The following CACNA1E variants were observed in gnomAD, a reference collection of about 807,000 sequenced individuals.
CACNA1E encodes the protein voltage-dependent R-type calcium channel subunit alpha-1E.
A neutral mutation model predicts 259.2 loss-of-function variants in CACNA1E; 40 were observed. The observed-to-expected ratio is 0.15, with a 90% CI of 0.12 to 0.20. The LOEUF (loss-of-function observed/expected upper bound fraction) is 0.20, where lower values mean the gene tolerates loss of function less well. CACNA1E is among the 10% of genes least tolerant of loss of function. The probability of loss-of-function intolerance (pLI) is 1.00; values close to 1 mark genes in which losing one functional copy is unlikely to be tolerated. For synonymous variants in CACNA1E, 1,104 were observed against 1,138.5 expected, an observed-to-expected ratio of 0.97 and a Z score of 0.61; for missense variants, 1,874 against 3,040.1, an observed-to-expected ratio of 0.62 and a Z score of 9.02.
In CACNA1E at chr1:181,575,535, C is replaced by T. The variant is rs74130048; in HGVS notation, c.513-2231C>T. 5.8e-3 allele frequency among the ~76,000 whole-genome samples: 884 copies of T among 152,164 alleles called. 5 individuals carry two copies. Among genetic ancestry groups the T allele is most frequent in the African/African-American group, 0.02 (846 of 41,506 alleles). The stretch of plus-strand genomic sequence containing the variant: ...TTCTTCTTTCCCTCTACCATTTTTC[C>T]CCTCTACATTTGAGCCTTCTTTGCC... On this transcript the variant is annotated intron_variant, in intron 3 of 47. Coordinates refer to ENST00000367573, the MANE Select transcript of CACNA1E (RefSeq NM_001205293.3).
Position 181,715,376 on chromosome 1 carries a change from A to C in CACNA1E, c.1210A>C (p.Thr404Pro). 2.5e-6 allele frequency: 4 copies of C among 1,597,304 alleles called. No homozygotes were observed. Among genetic ancestry groups the C allele is most frequent in the Non-Finnish European group, 3.4e-6 (4 of 1,167,416 alleles). The change falls in exon 9 of 48, where the codon ACA becomes CCA. Residue 404 changes from threonine (T) to proline (P), a missense_variant. Around this residue, in one of 14 missense-constraint regions of CACNA1E, gnomAD observed 157 missense variants for 203.5 expected, o/e 0.77. Coordinates refer to ENST00000367573, the MANE Select transcript of CACNA1E (RefSeq NM_001205293.3). ...MLAEENKNAG[T>P]SALEVLRRAT... ...CGCTGAAGAAAATAAAAATGCTGGA[A>C]CATCCGCCTTAGAAGGTAAGGAAAT...
chr1:181,373,511 G>A (rs1272327938), intron 1 of CACNA1E, among the ~76,000 whole-genome samples: 5 of 150,516 alleles, frequency 3.3e-5, no homozygotes, highest in Admixed American at 2.7e-4. Flanking sequence ...GTGTTTATTT[G>A]GATGTTCTCT....
At chr1:181,335,656 C>A (rs181037603) in intron 1 of CACNA1E, among the ~76,000 whole-genome samples, 129 of 152,278 alleles carry the variant, frequency 8.5e-4, no homozygotes, top group Admixed American at 1.8e-3. Flanking sequence ...CTCTTTGGGC[C>A]TTTTTACCCT....
intron 44 of CACNA1E, among the ~76,000 whole-genome samples, chr1:181,791,299 G>T (rs895366387): frequency 3.9e-5 from 6 of 152,112 alleles, no homozygotes; most frequent in African/African-American, 1.4e-4. Context: ...GTGAAACCCC[G>T]TCTCTACTAA....
At chr1:181,454,111 T>C (rs1661316397) in intron 2 of CACNA1E, among the ~76,000 whole-genome samples, 1 of 152,188 alleles carries the variant, frequency 6.6e-6, no homozygotes. Flanking sequence ...ACTCATTAGA[T>C]AGTACCTCAT....
Position 181,758,666 on chromosome 1 carries a change from C to A in CACNA1E, c.4495-92C>A. On this transcript the variant is annotated intron_variant, in intron 31 of 47. Coordinates refer to ENST00000367573, the MANE Select transcript of CACNA1E (RefSeq NM_001205293.3). This position sits in a 1 kb window ranked among gnomAD's most constrained non-coding sequence, Gnocchi z 4.2. ...CCACACACCAGAGTGTCCCACAGGG[C>A]AGGAATGAGAGATGGCCAACCTCAG... The A allele has an allele frequency of 1.4e-6, 1 of 709,256 alleles. No individual in the cohort carries two copies. The allele number at this position is 709,256 out of a possible 1,614,324, so 43.9% of individuals were successfully genotyped here. A position where few individuals can be genotyped will look rare whatever the true frequency, so the allele number is the denominator to read the frequency against.
At chr1:181,409,938 A>C (rs958412600) in intron 1 of CACNA1E, among the ~76,000 whole-genome samples, 1 of 152,072 alleles carries the variant, frequency 6.6e-6, no homozygotes, top group African/African-American at 2.4e-5. Context: ...GTAAGGAGAG[A>C]GGGTGGGATG....
At chr1:181,720,450 A>G (rs1654317722) in intron 14 of CACNA1E, 113 bp downstream of exon 14, 4 of 1,169,520 alleles carry the variant, frequency 3.4e-6, no homozygotes, top group Admixed American at 2.2e-5. Context: ...GCCTTTGCCC[A>G]TGGCCTGAAT....
intron 6 of CACNA1E, among the ~76,000 whole-genome samples, chr1:181,612,841 A>G (rs770156933): frequency 6.6e-6 from 1 of 152,208 alleles, no homozygotes; most frequent in African/African-American, 2.4e-5. Flanking sequence ...GGTCATAAAG[A>G]CAGTCTCCTG....
At chr1:181,669,258 G>C (rs1648553573) in intron 7 of CACNA1E, among the ~76,000 whole-genome samples, 1 of 152,126 alleles carries the variant, frequency 6.6e-6, no homozygotes, top group South Asian at 2.1e-4. Flanking sequence ...TTAAAGAAAA[G>C]GTCCAAATTA....
Position 181,807,745 on chromosome 1 carries a change from CA to C in CACNA1E, c.*8916del, listed in dbSNP as rs1406992437. ...GATTTTTCTTATGATTAAAAACATCCAAAAATGTGATATGTGGTCATCTCTC... is the reference window on the plus strand; with the variant it reads ...GATTTTTCTTATGATTAAAAACATCCAAAATGTGATATGTGGTCATCTCTC... On this transcript the variant is annotated 3_prime_UTR_variant, in exon 48 of 48. Transcript: ENST00000367573. The C allele has an allele frequency of 6.6e-6, 1 of 151,824 alleles. No individual in the cohort carries two copies. Among genetic ancestry groups the C allele is most frequent in the Admixed American group, 6.6e-5 (1 of 15,228 alleles). 9.4% of individuals were successfully genotyped at this position (151,824 alleles called of 1,614,324 possible).
intron 3 of CACNA1E, among the ~76,000 whole-genome samples, chr1:181,517,669 G>A (rs1572081143): frequency 1.3e-5 from 2 of 151,956 alleles, no homozygotes; most frequent in African/African-American, 4.8e-5. Flanking sequence ...CAGTAAAGCT[G>A]GGAGCTGCCG....
intron 6 of CACNA1E, among the ~76,000 whole-genome samples, chr1:181,605,254 C>T (rs2103083314): frequency 7.2e-6 from 1 of 138,886 alleles, no homozygotes; most frequent in Non-Finnish European, 1.5e-5. Context: ...CAAAAGCCTG[C>T]CTAAAGAAGC....
Position 181,757,115 on chromosome 1 carries a change from G to A in CACNA1E, c.4318G>A (p.Glu1440Lys). The change falls in exon 30 of 48, where the codon GAG becomes AAG. Residue 1440 changes from glutamate to lysine, a missense_variant. Transcript: ENST00000367573. ...GDKMMEECSL[E>K]KNERACIDFA... Reference sequence around the variant, plus strand: ...TAAGATGATGGAGGAGTGCAGCCTGGAGAAGAATGAGGTAATGACAATTGG... The same window carrying A: ...TAAGATGATGGAGGAGTGCAGCCTGAAGAAGAATGAGGTAATGACAATTGG... 6.2e-7 allele frequency: 1 copy of A among 1,612,990 alleles called. No individual in the cohort carries two copies. The highest frequency in any genetic ancestry group is 8.5e-7 in the Non-Finnish European group (1 of 1,179,032).
At chr1:181,702,542 A>G (rs1652373099) in intron 7 of CACNA1E, among the ~76,000 whole-genome samples, 1 of 152,222 alleles carries the variant, frequency 6.6e-6, no homozygotes, top group Non-Finnish European at 1.5e-5. Flanking sequence ...TTTATAGGGT[A>G]TCTATGGCCC....
intron 1 of CACNA1E, among the ~76,000 whole-genome samples, chr1:181,372,327 G>C (rs534421331): frequency 6.6e-6 from 1 of 152,098 alleles, no homozygotes; most frequent in Non-Finnish European, 1.5e-5. Context: ...CTGGTTAGCT[G>C]TATTACTAGA....
chr1:181,752,431 A>G (rs560213538), intron 27 of CACNA1E, among the ~76,000 whole-genome samples, 192 bp downstream of exon 27: 53 of 152,342 alleles, frequency 3.5e-4, no homozygotes, highest in African/African-American at 1.3e-3. Flanking sequence ...CAAGAAATCT[A>G]TAAGAAAGCT....
chr1:181,436,712 G>T (rs1028525718), intron 2 of CACNA1E, among the ~76,000 whole-genome samples: 44 of 151,886 alleles, frequency 2.9e-4, no homozygotes, highest in Admixed American at 2.9e-3. Context: ...GACGAGGGGG[G>T]TGGATGAGAA....
In CACNA1E at chr1:181,733,447, C is replaced by G. The variant is rs973016313; in HGVS notation, c.2959C>G (p.Leu987Val). ...CCTCTCTCTTCACAGGACCAACAGT[C>G]TGATGGTGTCCAGAGGCTCCGGGCT... is the stretch of plus-strand genomic sequence containing the variant. The part of the protein sequence containing the change: ...RAQDLRRTNS[L>V]MVSRGSGLAG... Residue 987 changes from leucine (L) to valine (V), a missense_variant, in exon 21 of 48, where the codon CTG becomes GTG. Leu to Val is a conservative substitution (Grantham distance 32, BLOSUM62 1). Transcript: ENST00000367573. 6.5e-7 allele frequency: 1 copy of G among 1,534,824 alleles called. No individual in the cohort carries two copies. The highest frequency in any genetic ancestry group is 8.8e-7 in the Non-Finnish European group (1 of 1,140,072).
Sources: gnomAD v4.1 joint callset for allele counts (sites outside exome capture counted in the v4.1 genomes callset) on GRCh38, gnomAD v4.1.1 for gene constraint, gnomAD v4.1.1 regional missense constraint, Gnocchi (gnomAD v3.1) non-coding constraint, MANE v1.5 for transcripts, NCBI Gene and HGNC (gene_info 2026-07-23, HGNC 2026-07-21) for gene names.